INPP4B: variants seen among roughly 807,000 people sequenced by gnomAD.
INPP4B encodes the protein inositol polyphosphate-4-phosphatase type II B.
A neutral mutation model predicts 122.5 loss-of-function variants in INPP4B; 55 were observed. That is an observed-to-expected ratio of 0.45 (90% CI 0.36 to 0.56). INPP4B has a LOEUF of 0.56. Ranked by LOEUF, INPP4B falls within the 20% of genes least tolerant of loss-of-function variation. The pLI is 0.00. For missense variants in INPP4B, 1,000 were observed against 1,097.7 expected (o/e 0.91, Z 1.26); for synonymous variants, 403 against 388.7 (o/e 1.04, Z -0.43).
At chr4:142,432,956 C>T (rs540942845) in intron 3 of INPP4B, among the ~76,000 whole-genome samples, 3 of 152,204 alleles carry the variant, frequency 2.0e-5, no homozygotes, top group African/African-American at 7.2e-5. Flanking sequence ...AGAAGACTGA[C>T]GTAAGATGTC....
rs1465730854 is a variant in INPP4B, at chr4:142,102,041, A to G, written c.2374+6052T>C. Among the ~76,000 whole-genome samples the G allele has an allele frequency of 2.0e-5, 3 of 152,040 alleles. No homozygotes were observed. The East Asian group carries it at 5.8e-4, about 29-fold the overall frequency. On this transcript the variant is annotated intron_variant, in intron 23 of 25. Transcript: ENST00000262992. ...TCACCTGCTTCTGTGAAATCCTCTC[A>G]TGGGAAGGTTTACTTGTCCCAATGG...
At chr4:142,248,630 A>G (rs1014805421) in intron 11 of INPP4B, among the ~76,000 whole-genome samples, 3 of 148,542 alleles carry the variant, frequency 2.0e-5, no homozygotes, top group Non-Finnish European at 4.5e-5. Flanking sequence ...CACTCTCTGT[A>G]TGTGTGTGTG....
intron 17 of INPP4B, among the ~76,000 whole-genome samples, chr4:142,146,234 T>A (rs145596123): frequency 3.3e-5 from 5 of 152,152 alleles, no homozygotes; most frequent in Non-Finnish European, 7.4e-5. Flanking sequence ...TTCACTGTCA[T>A]AAAGAAATGA....
intron 25 of INPP4B, chr4:142,029,706 A>G: frequency 5.1e-6 from 5 of 987,236 alleles, no homozygotes; most frequent in Non-Finnish European, 6.0e-6. Flanking sequence ...GGCATCTATG[A>G]TATTAGCACA....
chr4:142,025,657 A>G lies in INPP4B; in HGVS notation c.*3125T>C, dbSNP rs1203885785. ...TACCTCTTATTTTATGTAAAGTGCC[A>G]TACATAGCTGAAGGATAAAAAGGAA... On this transcript the variant is annotated 3_prime_UTR_variant, in exon 26 of 26. Coordinates refer to ENST00000262992, the MANE Select transcript of INPP4B (RefSeq NM_001101669.3). 2.0e-5 allele frequency: 3 copies of G among 152,186 alleles called. No individual in the cohort carries two copies. Among genetic ancestry groups the G allele is most frequent in the Non-Finnish European group, 4.4e-5 (3 of 68,036 alleles). The allele number at this position is 152,186 out of a possible 1,614,324, so 9.4% of individuals were successfully genotyped here.
chr4:142,151,789 T>C (rs1814065246), intron 17 of INPP4B, among the ~76,000 whole-genome samples: 1 of 152,208 alleles, frequency 6.6e-6, no homozygotes, highest in Non-Finnish European at 1.5e-5. Context: ...GAAACCTTTA[T>C]CCAGATGTCT....
chr4:142,689,621 G>A (rs1014904007), intron 2 of INPP4B, among the ~76,000 whole-genome samples: 1 of 152,106 alleles, frequency 6.6e-6, no homozygotes, highest in African/African-American at 2.4e-5. Context: ...TGAAGAGCTA[G>A]TGGTATTTCT....
At position 142,126,457 on chromosome 4, in the gene INPP4B, T is replaced by C. The variant is rs1346240896; in HGVS notation, c.1721-1697A>G. ...AAATAAACCCAAAGGGTTGAAAGGA[T>C]AATTAATGGCCCCAACATAATAAAA... On this transcript the variant is annotated intron_variant, in intron 18 of 25. Coordinates refer to ENST00000262992, the MANE Select transcript of INPP4B (RefSeq NM_001101669.3). Among the ~76,000 whole-genome samples, 3 of 152,154 alleles carry C rather than the reference T, an allele frequency of 2.0e-5. No individual in the cohort carries two copies. The East Asian group carries it at 5.8e-4, about 29-fold the overall frequency.
At chr4:142,417,437 T>G (rs1806003543) in intron 5 of INPP4B, among the ~76,000 whole-genome samples, 1 of 152,138 alleles carries the variant, frequency 6.6e-6, no homozygotes, top group Non-Finnish European at 1.5e-5. Context: ...GGAATGGGGA[T>G]GATAATTATG....
intron 1 of INPP4B, among the ~76,000 whole-genome samples, chr4:142,727,331 T>A (rs1045068611): frequency 1.3e-5 from 2 of 152,182 alleles, no homozygotes; most frequent in African/African-American, 4.8e-5. Context: ...TATCTACTCT[T>A]ATGAACACTC....
At chr4:142,152,206 C>T (rs780467054) in intron 17 of INPP4B, among the ~76,000 whole-genome samples, 3 of 150,240 alleles carry the variant, frequency 2.0e-5, no homozygotes, top group Non-Finnish European at 4.4e-5. Context: ...CCCGGAGTAG[C>T]TGGGACTACA....
At chr4:142,287,867 G>A (rs1754521564) in intron 9 of INPP4B, among the ~76,000 whole-genome samples, 1 of 152,112 alleles carries the variant, frequency 6.6e-6, no homozygotes, top group South Asian at 2.1e-4. Flanking sequence ...AGACATTTTT[G>A]TTTTCATAGT....
chr4:142,737,330 T>A (rs1398201343), intron 1 of INPP4B, among the ~76,000 whole-genome samples: 1 of 152,158 alleles, frequency 6.6e-6, no homozygotes, highest in Non-Finnish European at 1.5e-5. Context: ...CATCTGATCT[T>A]TGACAAACCT....
intron 1 of INPP4B, among the ~76,000 whole-genome samples, chr4:142,819,024 T>C (rs1444230684): frequency 6.6e-6 from 1 of 152,138 alleles, no homozygotes; most frequent in Non-Finnish European, 1.5e-5. Flanking sequence ...GACGAATCTT[T>C]GTTGAGAGAT....
chr4:142,842,397 T>C (rs1783599768), intron 1 of INPP4B, among the ~76,000 whole-genome samples: 1 of 150,640 alleles, frequency 6.6e-6, no homozygotes, highest in African/African-American at 2.4e-5. Context: ...TTGAAAAAAA[T>C]CTAAAGTTCT....
intron 12 of INPP4B, among the ~76,000 whole-genome samples, chr4:142,231,189 G>T (rs1329585996): frequency 6.6e-6 from 1 of 152,168 alleles, no homozygotes; most frequent in Non-Finnish European, 1.5e-5. Context: ...TGTGTTTTTT[G>T]ATGGCAGCTG....
At chr4:142,152,354 C>T (rs1180942781) in intron 17 of INPP4B, among the ~76,000 whole-genome samples, 5 of 151,884 alleles carry the variant, frequency 3.3e-5, no homozygotes, top group Non-Finnish European at 5.9e-5. Flanking sequence ...GGATTACAGG[C>T]GTGAGTCACC....
chr4:142,652,030 G>A (rs113692862), intron 2 of INPP4B, among the ~76,000 whole-genome samples: 1 of 152,120 alleles, frequency 6.6e-6, no homozygotes, highest in Non-Finnish European at 1.5e-5. Context: ...CCACTATCAG[G>A]TCAGCTTCAT....
At chr4:142,049,722 A>G (rs1302583949) in intron 25 of INPP4B, among the ~76,000 whole-genome samples, 5 of 152,018 alleles carry the variant, frequency 3.3e-5, no homozygotes, top group African/African-American at 1.2e-4. Context: ...ATGAAGAAAT[A>G]TAAGAAATAA....
Sources: gnomAD v4.1 joint callset for allele counts (sites outside exome capture counted in the v4.1 genomes callset) on GRCh38, gnomAD v4.1.1 for gene constraint, MANE v1.5 for transcripts, NCBI Gene and HGNC (gene_info 2026-07-23, HGNC 2026-07-21) for gene names.